VTI1A: variants seen among roughly 807,000 people sequenced by gnomAD.
The protein encoded by VTI1A is vesicle transport through interaction with t-SNAREs 1A.
A neutral mutation model predicts 34.9 loss-of-function variants in VTI1A; 22 were observed. The observed-to-expected ratio is 0.63, with a 90% CI of 0.45 to 0.90. The LOEUF (loss-of-function observed/expected upper bound fraction) is 0.90, where lower values mean the gene tolerates loss of function less well. VTI1A is among the 40% of genes least tolerant of loss of function. The pLI is 0.00. For synonymous variants in VTI1A, 87 were observed against 97.3 expected, an observed-to-expected ratio of 0.89 and a Z score of 0.62; for missense variants, 268 against 275.6, an observed-to-expected ratio of 0.97 and a Z score of 0.20.
chr10:112,502,439 C>T (rs760845771), intron 3 of VTI1A, among the ~76,000 whole-genome samples: 4 of 151,994 alleles, frequency 2.6e-5, no homozygotes, highest in Non-Finnish European at 4.4e-5. Context: ...TGTGACCTTC[C>T]AGTCAACAAC....
rs376292697 is a variant in VTI1A, at chr10:112,464,839, G to T, written c.264+182G>T. The T allele has an allele frequency of 3.5e-5, 21 of 603,184 alleles. No homozygotes were observed. The East Asian group carries it at 5.8e-4, about 17-fold the overall frequency. The allele number at this position is 603,184 out of a possible 1,614,324, so 37.4% of individuals were successfully genotyped here. ...AGAGATAGCTAATGGTGGAATTTAA[G>T]GTATGTTGGATTAATGATTCACAAA... is the stretch of plus-strand genomic sequence containing the variant. On this transcript the variant is annotated intron_variant, in intron 3 of 7. Transcript: ENST00000393077.
intron 7 of VTI1A, among the ~76,000 whole-genome samples, chr10:112,738,760 A>T (rs574554065): frequency 6.6e-6 from 1 of 152,190 alleles, no homozygotes; most frequent in South Asian, 2.1e-4. Flanking sequence ...GCTGTCCTCT[A>T]TTAAGAAGCT....
At chr10:112,811,756 A>C (rs1256545433) in intron 7 of VTI1A, among the ~76,000 whole-genome samples, 2 of 143,232 alleles carry the variant, frequency 1.4e-5, no homozygotes, top group African/African-American at 2.6e-5. Flanking sequence ...TGGCTATTGG[A>C]GAACACTCGT....
chr10:112,464,446 T>C, intron 2 of VTI1A, 101 bp from the exon 3 acceptor site: 1 of 1,058,196 alleles, frequency 9.5e-7, no homozygotes, highest in Non-Finnish European at 1.4e-6. Context: ...GTGCCTCAAC[T>C]ACAAAATGAG....
At chr10:112,700,644 A>T (rs1002386240) in intron 7 of VTI1A, among the ~76,000 whole-genome samples, 1 of 152,218 alleles carries the variant, frequency 6.6e-6, no homozygotes, top group East Asian at 1.9e-4. Flanking sequence ...TGGCTTCCAA[A>T]CAACAATAAT....
intron 3 of VTI1A, among the ~76,000 whole-genome samples, chr10:112,469,965 G>C (rs536359654): frequency 1.3e-5 from 2 of 152,282 alleles, no homozygotes; most frequent in South Asian, 4.1e-4. Flanking sequence ...CTCCCCCTCC[G>C]TGTGCTGCAA....
At chr10:112,571,051 C>T (rs531747052) in intron 5 of VTI1A, among the ~76,000 whole-genome samples, 1 of 152,234 alleles carries the variant, frequency 6.6e-6, no homozygotes, top group South Asian at 2.1e-4. Context: ...CTGTGCTGTT[C>T]CCTGTGTTAT....
chr10:112,604,968 TA>T (rs1280612742), intron 5 of VTI1A, among the ~76,000 whole-genome samples: 1 of 152,224 alleles, frequency 6.6e-6, no homozygotes, highest in East Asian at 1.9e-4. Context: ...ACCTCTCTTA[TA>T]TAGGCCTCTT....
Position 112,818,051 on chromosome 10 carries a change from A to C in VTI1A, c.*2668A>C, listed in dbSNP as rs1216787376. On this transcript the variant is annotated 3_prime_UTR_variant, in exon 8 of 8. Coordinates refer to ENST00000393077, the MANE Select transcript of VTI1A (RefSeq NM_145206.4). ...ATCCGTGTTGAAGGCGAATGCCTGC[A>C]AATGCAGTGGGTCTGACGTCAGCTG... 2.1e-5 allele frequency: 5 copies of C among 233,382 alleles called. No individual in the cohort carries two copies. The highest frequency in any genetic ancestry group is 1.1e-4 in the African/African-American group (5 of 45,356). The allele number at this position is 233,382 out of a possible 1,614,324, so 14.5% of individuals were successfully genotyped here. A position where few individuals can be genotyped will look rare whatever the true frequency, so the allele number is the denominator to read the frequency against.
chr10:112,695,015 T>C (rs1220294806), intron 7 of VTI1A, among the ~76,000 whole-genome samples: 5 of 152,148 alleles, frequency 3.3e-5, no homozygotes, highest in African/African-American at 1.2e-4. Context: ...AGTAAACCAG[T>C]TGACTGAAAG....
At chr10:112,539,223 T>A (rs1457887246) in intron 5 of VTI1A, among the ~76,000 whole-genome samples, 1 of 152,206 alleles carries the variant, frequency 6.6e-6, no homozygotes, top group Non-Finnish European at 1.5e-5. Context: ...CAACAATGTT[T>A]TTATCAATTT....
At chr10:112,830,384 G>A in the VTI1A span, among the ~76,000 whole-genome samples, 4 of 150,828 alleles carry the variant, frequency 2.7e-5, no homozygotes, top group Admixed American at 6.6e-5. Flanking sequence ...TCCCCTCAGA[G>A]CCTCTGCCTG....
chr10:112,581,283 A>T (rs1453964447), intron 5 of VTI1A, among the ~76,000 whole-genome samples: 3 of 152,100 alleles, frequency 2.0e-5, no homozygotes, highest in Non-Finnish European at 4.4e-5. Flanking sequence ...CCCTTCCCAT[A>T]TTCAAGCCTA....
chr10:112,626,023 C>T (rs2134594122), intron 5 of VTI1A, among the ~76,000 whole-genome samples: 1 of 152,220 alleles, frequency 6.6e-6, no homozygotes, highest in African/African-American at 2.4e-5. Context: ...CCGTTTTCCC[C>T]AAGAAAATGT....
At chr10:112,719,254 A>G (rs1313932223) in intron 7 of VTI1A, among the ~76,000 whole-genome samples, 3 of 152,170 alleles carry the variant, frequency 2.0e-5, no homozygotes, top group Admixed American at 6.5e-5. Context: ...ACTTCCTTAA[A>G]TTTCATCTCC....
intron 7 of VTI1A, among the ~76,000 whole-genome samples, chr10:112,703,515 G>A (rs1024273507): frequency 1.3e-5 from 2 of 151,932 alleles, no homozygotes; most frequent in African/African-American, 2.4e-5. Flanking sequence ...GCGGTGAGCC[G>A]AGATCATGCC....
intron 5 of VTI1A, among the ~76,000 whole-genome samples, chr10:112,565,789 AAG>A (rs1379682958): frequency 1.3e-5 from 2 of 152,210 alleles, no homozygotes. Context: ...TATAACAAAA[AAG>A]AACATATTTT....
Position 112,815,766 on chromosome 10 carries a change from T to G in VTI1A, c.*383T>G, listed in dbSNP as rs1251518986. 1 of 275,898 alleles carries G rather than the reference T, an allele frequency of 3.6e-6. No individual in the cohort carries two copies. The highest frequency in any genetic ancestry group is 5.4e-5 in the East Asian group (1 of 18,502). The allele number at this position is 275,898 out of a possible 1,614,324, so 17.1% of individuals were successfully genotyped here. Reference sequence around the variant, plus strand: ...AGAGCTTCTGTTTGTCACCCGCCTCTTGTTGCTGAAAAGCTCTTCTGTGAT... The same window carrying G: ...AGAGCTTCTGTTTGTCACCCGCCTCGTGTTGCTGAAAAGCTCTTCTGTGAT... On this transcript the variant is annotated 3_prime_UTR_variant, in exon 8 of 8. Coordinates refer to ENST00000393077, the MANE Select transcript of VTI1A (RefSeq NM_145206.4).
intron 5 of VTI1A, among the ~76,000 whole-genome samples, chr10:112,606,022 TTTTTTTC>T (rs869194752): frequency 5.2e-4 from 53 of 101,450 alleles, no homozygotes; most frequent in African/African-American, 1.4e-3. Context: ...TCTTTTTTTC[TTTTTTTC>T]TTTTTTTTTT....
Sources: gnomAD v4.1 joint callset for allele counts (sites outside exome capture counted in the v4.1 genomes callset) on GRCh38, gnomAD v4.1.1 for gene constraint, MANE v1.5 for transcripts, NCBI Gene and HGNC (gene_info 2026-07-23, HGNC 2026-07-21) for gene names.